The following THSD7B variants were observed in gnomAD, a reference collection of about 807,000 sequenced individuals.
THSD7B encodes the protein thrombospondin type 1 domain containing 7B.
In THSD7B, 138 loss-of-function variants were observed where a neutral mutation model predicts 213.6. The ratio of observed to expected loss-of-function variants is 0.65; its 90% CI spans 0.56 to 0.74. The LOEUF (loss-of-function observed/expected upper bound fraction) is 0.74. Among genes scored for constraint, THSD7B ranks in the 30% least tolerant of loss-of-function variants. The pLI, the probability that THSD7B is intolerant of heterozygous loss-of-function variation, is 0.00. For missense variants in THSD7B, 1,931 were observed against 1,991.5 expected (o/e 0.97, Z 0.58); for synonymous variants, 742 against 687.0 (o/e 1.08, Z -1.25).
chr2:137,074,473 G>T (rs903905995), intron 3 of THSD7B, among the ~76,000 whole-genome samples: 2 of 152,144 alleles, frequency 1.3e-5, no homozygotes, highest in African/African-American at 4.8e-5. Flanking sequence ...TTGAGCCCAT[G>T]TGTGTCCCTG....
At chr2:137,507,152 C>T (rs1321457473) in intron 15 of THSD7B, among the ~76,000 whole-genome samples, 3 of 152,174 alleles carry the variant, frequency 2.0e-5, no homozygotes, top group Non-Finnish European at 2.9e-5. Context: ...TGTCAACCCT[C>T]GTCTTACAAT....
intron 2 of THSD7B, among the ~76,000 whole-genome samples, chr2:136,885,535 G>A (rs1683703708): frequency 6.6e-6 from 1 of 152,146 alleles, no homozygotes; most frequent in Non-Finnish European, 1.5e-5. Context: ...GATCACGTCA[G>A]CAACAGTATC....
At chr2:137,177,581 G>C (rs1032447455) in intron 7 of THSD7B, among the ~76,000 whole-genome samples, 9 of 152,116 alleles carry the variant, frequency 5.9e-5, no homozygotes, top group African/African-American at 1.7e-4. Context: ...TGATTCAGTA[G>C]GGCTAGAATA....
intron 19 of THSD7B, among the ~76,000 whole-genome samples, chr2:137,619,618 G>A (rs1396894380): frequency 2.6e-5 from 3 of 116,418 alleles, no homozygotes; most frequent in Non-Finnish European, 4.0e-5. Flanking sequence ...CCCAATAGGT[G>A]AGCATTGTTT....
chr2:137,448,171 G>A (rs538318180), intron 14 of THSD7B, among the ~76,000 whole-genome samples: 134 of 152,330 alleles, frequency 8.8e-4, no homozygotes, highest in African/African-American at 3.1e-3. Flanking sequence ...ACTTATTAAA[G>A]TGTCTCCAGT....
At chr2:136,875,844 T>C (rs1163762478) in intron 1 of THSD7B, among the ~76,000 whole-genome samples, 2 of 152,228 alleles carry the variant, frequency 1.3e-5, no homozygotes, top group Non-Finnish European at 2.9e-5. Context: ...GAATTAAAAT[T>C]CAAAGATAGA....
intron 2 of THSD7B, among the ~76,000 whole-genome samples, chr2:136,936,973 A>T (rs1684745112): frequency 6.6e-6 from 1 of 152,190 alleles, no homozygotes; most frequent in South Asian, 2.1e-4. Flanking sequence ...AATAAAAAAG[A>T]TATAATGATA....
chr2:136,996,781 C>G (rs1685899310), intron 2 of THSD7B, among the ~76,000 whole-genome samples: 1 of 152,150 alleles, frequency 6.6e-6, no homozygotes, highest in Admixed American at 6.5e-5. Flanking sequence ...AAAACAAATA[C>G]TTCTAGCAAA....
chr2:137,015,643 G>A (rs1450475126), intron 2 of THSD7B, among the ~76,000 whole-genome samples: 1 of 152,080 alleles, frequency 6.6e-6, no homozygotes, highest in Non-Finnish European at 1.5e-5. Flanking sequence ...CTGTCTTCCT[G>A]GTGCAGCTGG....
chr2:137,416,468 A>G (rs959452615), intron 14 of THSD7B, among the ~76,000 whole-genome samples: 40 of 152,106 alleles, frequency 2.6e-4, no homozygotes, highest in African/African-American at 9.7e-4. Flanking sequence ...CACTACATTT[A>G]ACTTTATTTA....
chr2:137,172,787 C>G (rs1272792887), intron 7 of THSD7B, among the ~76,000 whole-genome samples: 1 of 152,146 alleles, frequency 6.6e-6, no homozygotes, highest in Non-Finnish European at 1.5e-5. Context: ...TCTTGAAGGA[C>G]TGAGACCATA....
At chr2:137,022,442 A>T (rs1686462205) in intron 2 of THSD7B, among the ~76,000 whole-genome samples, 1 of 152,146 alleles carries the variant, frequency 6.6e-6, no homozygotes. Context: ...TGAAAGCCAC[A>T]CAGAAGTCAA....
chr2:136,903,016 C>A (rs115699856), intron 2 of THSD7B, among the ~76,000 whole-genome samples: 2,500 of 152,286 alleles, frequency 0.016, 35 homozygotes, highest in Middle Eastern at 0.02. Context: ...ATGAGTGTGG[C>A]CCAGTTGTGC....
intron 17 of THSD7B, among the ~76,000 whole-genome samples, chr2:137,605,748 A>G (rs1055890677): frequency 7.3e-6 from 1 of 137,320 alleles, no homozygotes; most frequent in African/African-American, 2.8e-5. Context: ...AGCTCACTGC[A>G]ACTTCCGCAT....
At chr2:137,281,600 G>C (rs1004218612) in intron 12 of THSD7B, among the ~76,000 whole-genome samples, 5 of 123,218 alleles carry the variant, frequency 4.1e-5, no homozygotes, top group African/African-American at 1.3e-4. Flanking sequence ...TCCCCTTCTT[G>C]TGTCCATGTG....
At chr2:137,420,488 C>T (rs768523817) in intron 14 of THSD7B, among the ~76,000 whole-genome samples, 6 of 152,132 alleles carry the variant, frequency 3.9e-5, no homozygotes, top group Admixed American at 1.3e-4. Flanking sequence ...AGGAGCTTGC[C>T]GCTTAATGTT....
intron 12 of THSD7B, among the ~76,000 whole-genome samples, chr2:137,276,900 A>G (rs1263846009): frequency 6.6e-6 from 1 of 152,052 alleles, no homozygotes; most frequent in Non-Finnish European, 1.5e-5. Context: ...TACAGATGAA[A>G]TTTTATTGGT....
chr2:136,833,838 A>G (rs552832038), intron 1 of THSD7B, among the ~76,000 whole-genome samples: 2 of 152,306 alleles, frequency 1.3e-5, no homozygotes, highest in South Asian at 4.1e-4. Flanking sequence ...GTTTTTTGAG[A>G]TGTGGATAAT....
intron 9 of THSD7B, among the ~76,000 whole-genome samples, chr2:137,241,894 GT>G (rs1325234353): frequency 6.7e-6 from 1 of 148,952 alleles, no homozygotes; most frequent in Non-Finnish European, 1.5e-5. Flanking sequence ...AAGGGACAGA[GT>G]GAGACTCCAT....
Sources: allele counts gnomAD v4.1 joint callset (sites outside exome capture counted in the v4.1 genomes callset), GRCh38; gene constraint gnomAD v4.1.1; transcripts MANE v1.5; gene names NCBI Gene and HGNC (gene_info 2026-07-23, HGNC 2026-07-21).